The following CREM variants were observed in gnomAD, a reference collection of about 807,000 sequenced individuals.
The protein encoded by CREM is cAMP-responsive element modulator.
Under a neutral mutation model 37.3 loss-of-function variants are expected in CREM, and 13 were observed. The observed-to-expected ratio is 0.35, with a 90% CI of 0.23 to 0.55. The LOEUF (loss-of-function observed/expected upper bound fraction) is 0.55, where lower values mean the gene tolerates loss of function less well. Among genes scored for constraint, CREM ranks in the 20% least tolerant of loss-of-function variants. CREM has a pLI of 0.88. For synonymous variants in CREM, 124 were observed against 120.2 expected, an observed-to-expected ratio of 1.03 and a Z score of -0.21; for missense variants, 296 against 362.3, an observed-to-expected ratio of 0.82 and a Z score of 1.49.
chr10:35,159,001 G>A (rs929493047), intron 3 of CREM, among the ~76,000 whole-genome samples: 1 of 151,880 alleles, frequency 6.6e-6, no homozygotes, highest in Non-Finnish European at 1.5e-5. Context: ...AAGAAAGAAA[G>A]TGATTAAATA....
intron 6 of CREM, among the ~76,000 whole-genome samples, chr10:35,198,890 C>G (rs1231349195): frequency 6.6e-6 from 1 of 152,250 alleles, no homozygotes; most frequent in East Asian, 1.9e-4. Context: ...TGGCTTACGC[C>G]TGTAATCCCA....
At chr10:35,142,970 A>G (rs576982922) in intron 2 of CREM, among the ~76,000 whole-genome samples, 2 of 152,270 alleles carry the variant, frequency 1.3e-5, no homozygotes, top group South Asian at 4.1e-4. Flanking sequence ...GTGCAGGCAT[A>G]GAGGAGATGA....
intron 3 of CREM, chr10:35,175,714 C>T (rs1166233766): frequency 1.2e-6 from 2 of 1,613,926 alleles, no homozygotes; most frequent in Admixed American, 1.7e-5. Context: ...TGGTAAGTAT[C>T]CTAGATAGTT....
Position 35,148,420 on chromosome 10 carries a change from T to C in CREM, c.97T>C (p.Ser33Pro). ...CCAGCATGATGGAAGTATAACAGCT[T>C]CTTTGACAGAGAGCAAGTCTGCTCA... ...ESQHDGSITA[S>P]LTESKSAHVQ... Residue 33 changes from serine to proline, a missense_variant, in exon 3 of 8, where the codon TCT becomes CCT. Ser to Pro is a moderately conservative substitution (Grantham distance 74). This residue lies in a region of CREM where 257 missense variants were observed against 280.2 expected (regional missense o/e 0.92). Coordinates refer to ENST00000685392, the MANE Select transcript of CREM (RefSeq NM_183011.2). 1.9e-6 allele frequency: 3 copies of C among 1,613,850 alleles called. No homozygotes were observed. The Admixed American group carries it at 5.0e-5, about 27-fold the overall frequency.
intron 3 of CREM, among the ~76,000 whole-genome samples, chr10:35,158,808 TG>T (rs1360952208): frequency 0.12 from 15,465 of 133,014 alleles, 1,363 homozygotes; most frequent in South Asian, 0.18. Flanking sequence ...GTTTTTTTTT[TG>T]TTGTTTTGTT....
chr10:35,148,179 A>G (rs2092313341), intron 2 of CREM, among the ~76,000 whole-genome samples, 189 bp from the exon 3 acceptor site: 1 of 152,228 alleles, frequency 6.6e-6, no homozygotes, highest in African/African-American at 2.4e-5. Flanking sequence ...TGTACAGGAT[A>G]CAAAGTTTTG....
rs1036677934 is a variant in CREM at position 35,212,564 on chromosome 10, C to T, written c.*1166C>T. 1 of 152,716 alleles carries T rather than the reference C, an allele frequency of 6.5e-6. No individual in the cohort carries two copies. Among genetic ancestry groups the T allele is most frequent in the Admixed American group, 6.5e-5 (1 of 15,272 alleles). The allele number at this position is 152,716 out of a possible 1,614,324, so 9.5% of individuals were successfully genotyped here. A position where few individuals can be genotyped will look rare whatever the true frequency, so the allele number is the denominator to read the frequency against. On this transcript the variant is annotated 3_prime_UTR_variant, in exon 8 of 8. Transcript: ENST00000685392. ...GATCGCATTGCATACCTTCGGGGTACAAGTCAGTTTCTACACTGGGTGCTG... is the reference window on the plus strand; with the variant it reads ...GATCGCATTGCATACCTTCGGGGTATAAGTCAGTTTCTACACTGGGTGCTG...
Position 35,195,801 on chromosome 10 carries a change from G to A in CREM, c.598+7413G>A, listed in dbSNP as rs187461815. 1.2e-4 allele frequency: 58 copies of A among 501,638 alleles called. No individual in the cohort carries two copies. The East Asian group carries it at 2.0e-3, about 17-fold the overall frequency. 31.1% of individuals were successfully genotyped at this position (501,638 alleles called of 1,614,324 possible). ...TGATGTCATTACATTTCCTGGAATC[G>A]TATTTCAGCAGGGGAAGTGGAAAAG... On this transcript the variant is annotated intron_variant, in intron 6 of 7. Coordinates refer to ENST00000685392, the MANE Select transcript of CREM (RefSeq NM_183011.2).
intron 2 of CREM, among the ~76,000 whole-genome samples, chr10:35,141,183 C>G (rs1455910666): frequency 6.6e-6 from 1 of 152,092 alleles, no homozygotes; most frequent in African/African-American, 2.4e-5. Context: ...TGATAGTGAT[C>G]TTATAGAGTT....
chr10:35,187,178 A>G (rs1386986985), intron 5 of CREM, among the ~76,000 whole-genome samples: 3 of 43,934 alleles, frequency 6.8e-5, no homozygotes, highest in Non-Finnish European at 1.3e-4. Flanking sequence ...TATTAATATT[A>G]ATATATAAAT....
intron 5 of CREM, among the ~76,000 whole-genome samples, chr10:35,181,376 G>A (rs1411073611): frequency 1.3e-5 from 2 of 152,318 alleles, no homozygotes; most frequent in Middle Eastern, 3.4e-3. Context: ...ATGAAACAGA[G>A]AAATTAAGTT....
At chr10:35,193,907 C>T (rs1244298123) in intron 6 of CREM, among the ~76,000 whole-genome samples, 2 of 151,776 alleles carry the variant, frequency 1.3e-5, no homozygotes, top group African/African-American at 4.8e-5. Flanking sequence ...CGAGACCAGC[C>T]TGGCCAACAT....
intron 3 of CREM, among the ~76,000 whole-genome samples, chr10:35,172,046 G>A (rs149291979): frequency 6.6e-6 from 1 of 152,298 alleles, no homozygotes; most frequent in East Asian, 1.9e-4. Flanking sequence ...TTGGAATCTG[G>A]AACTAAAGAT....
chr10:35,179,418 A>G, intron 5 of CREM, 142 bp downstream of exon 5: 6 of 968,708 alleles, frequency 6.2e-6, no homozygotes, highest in Non-Finnish European at 8.5e-6. Flanking sequence ...GAATGAAAGT[A>G]TATGTTAAAA....
chr10:35,142,927 T>C (rs1031220749), intron 2 of CREM, among the ~76,000 whole-genome samples: 3 of 151,500 alleles, frequency 2.0e-5, no homozygotes, highest in Non-Finnish European at 4.4e-5. Context: ...TATTCTGTCT[T>C]ATAATTTCAT....
chr10:35,196,666 T>C (rs774746464), intron 6 of CREM: 1 of 152,244 alleles, frequency 6.6e-6, no homozygotes, highest in Admixed American at 6.5e-5. Flanking sequence ...TTATAAGACA[T>C]AGATGAACTT....
intron 2 of CREM, among the ~76,000 whole-genome samples, chr10:35,143,773 C>T (rs529302091): frequency 1.3e-5 from 2 of 152,190 alleles, no homozygotes; most frequent in South Asian, 4.1e-4. Context: ...AAAGGAGGTA[C>T]AGGTGGGAAG....
chr10:35,171,361 A>T (rs1285963119), intron 3 of CREM: 1 of 151,544 alleles, frequency 6.6e-6, no homozygotes, highest in African/African-American at 2.4e-5. Flanking sequence ...TAGTAGAGAG[A>T]GGGTTTCACC....
At chr10:35,139,335 G>A (rs990394335) in intron 2 of CREM, among the ~76,000 whole-genome samples, 5 of 152,062 alleles carry the variant, frequency 3.3e-5, no homozygotes, top group Non-Finnish European at 5.9e-5. Flanking sequence ...GACCAAGCTG[G>A]CCTCAAACTC....
Sources: gnomAD v4.1 joint callset for allele counts (sites outside exome capture counted in the v4.1 genomes callset) on GRCh38, gnomAD v4.1.1 for gene constraint, gnomAD v4.1.1 regional missense constraint, MANE v1.5 for transcripts, NCBI Gene and HGNC (gene_info 2026-07-23, HGNC 2026-07-21) for gene names.